The following KCNN3 variants were observed in gnomAD, a reference collection of about 807,000 sequenced individuals.
KCNN3 encodes potassium calcium-activated channel subfamily N member 3.
KCNN3 carries 16 observed loss-of-function variants against 62.9 expected under a neutral mutation model. That is an observed-to-expected ratio of 0.25 (90% confidence interval 0.17 to 0.39). The LOEUF (loss-of-function observed/expected upper bound fraction) is 0.39. KCNN3 is among the 10% of genes least tolerant of loss of function. The probability of loss-of-function intolerance (pLI) is 1.00; values close to 1 mark genes in which losing one functional copy is unlikely to be tolerated. For missense variants in KCNN3, 599 were observed against 949.4 expected, an observed-to-expected ratio of 0.63 and a Z score of 4.85; for synonymous variants, 370 against 389.2, an observed-to-expected ratio of 0.95 and a Z score of 0.58.
At position 154,706,412 on chromosome 1, in the gene KCNN3, C is replaced by T. The variant is rs892086349; in HGVS notation, c.*1564G>A. Reference sequence around the variant, plus strand: ...CCATACAGTGCCATTCAATTTCCCACAGGCAGAAACCAAAGACCTCAGAAT... The same window carrying T: ...CCATACAGTGCCATTCAATTTCCCATAGGCAGAAACCAAAGACCTCAGAAT... On this transcript the variant is annotated 3_prime_UTR_variant, in exon 8 of 8. Transcript: ENST00000271915. The T allele has an allele frequency of 1.3e-5, 2 of 152,204 alleles. No individual in the cohort carries two copies. Among genetic ancestry groups the T allele is most frequent in the African/African-American group, 4.8e-5 (2 of 41,446 alleles). 9.4% of individuals were successfully genotyped at this position (152,204 alleles called of 1,614,324 possible).
chr1:154,783,221 AAAAAGAAAAAAG>A (rs1188832252), intron 2 of KCNN3, among the ~76,000 whole-genome samples: 1 of 151,888 alleles, frequency 6.6e-6, no homozygotes, highest in African/African-American at 2.4e-5. Context: ...TCAAAAAAAA[AAAAAGAAAAAAG>A]AAAAGAAAGA....
chr1:154,728,670 GA>G (rs1328823385), intron 4 of KCNN3, among the ~76,000 whole-genome samples: 1 of 152,014 alleles, frequency 6.6e-6, no homozygotes, highest in Non-Finnish European at 1.5e-5. Flanking sequence ...GAAAAGAGAA[GA>G]GAAGAGAAGA....
chr1:154,742,968 G>T (rs1700857235), intron 3 of KCNN3, among the ~76,000 whole-genome samples: 1 of 152,120 alleles, frequency 6.6e-6, no homozygotes, highest in African/African-American at 2.4e-5. Context: ...TGTTCTTCTG[G>T]GTGGCTGCAG....
chr1:154,840,917 C>T (rs1312173483), intron 1 of KCNN3, among the ~76,000 whole-genome samples: 1 of 152,248 alleles, frequency 6.6e-6, no homozygotes, highest in Non-Finnish European at 1.5e-5. Flanking sequence ...TGAGTGTGTG[C>T]ACCGCACCCT....
At chr1:154,792,361 G>A (rs1337467359) in intron 2 of KCNN3, among the ~76,000 whole-genome samples, 2 of 152,202 alleles carry the variant, frequency 1.3e-5, no homozygotes, top group African/African-American at 4.8e-5. Flanking sequence ...TGTAAATATA[G>A]AGTAACAACA....
intron 1 of KCNN3, chr1:154,867,935 C>G (rs1051416266): frequency 2.0e-6 from 2 of 984,938 alleles, no homozygotes; most frequent in South Asian, 9.4e-5. Flanking sequence ...AGCAGAGCAT[C>G]GGCAGAAACC....
intron 1 of KCNN3, among the ~76,000 whole-genome samples, chr1:154,867,794 A>G (rs957013947): frequency 4.1e-5 from 6 of 146,664 alleles, no homozygotes; most frequent in African/African-American, 1.5e-4. Flanking sequence ...AGGCGCATGC[A>G]TACGTACAAA....
intron 1 of KCNN3, among the ~76,000 whole-genome samples, chr1:154,855,240 A>AATAC (rs1324153648): frequency 3.3e-5 from 5 of 151,956 alleles, no homozygotes; most frequent in Non-Finnish European, 7.4e-5. Flanking sequence ...TAAATAAATA[A>AATAC]ATAAATAAAA....
intron 5 of KCNN3, among the ~76,000 whole-genome samples, chr1:154,717,084 G>T (rs1031571825): frequency 2.6e-5 from 4 of 152,182 alleles, no homozygotes; most frequent in African/African-American, 9.7e-5. Flanking sequence ...AATAAAGAGG[G>T]CTGCTATGAG....
chr1:154,823,565 C>T (rs747282799), intron 1 of KCNN3, among the ~76,000 whole-genome samples: 1 of 152,182 alleles, frequency 6.6e-6, no homozygotes, highest in Non-Finnish European at 1.5e-5. Flanking sequence ...GCCTCTGACT[C>T]GCAGTACAGA....
At chr1:154,805,526 T>C (rs1650136380) in intron 2 of KCNN3, among the ~76,000 whole-genome samples, 1 of 152,228 alleles carries the variant, frequency 6.6e-6, no homozygotes, top group Non-Finnish European at 1.5e-5. Flanking sequence ...CACCAGTCTC[T>C]TCTCTGCATT....
At chr1:154,845,238 T>C (rs1263420697) in intron 1 of KCNN3, among the ~76,000 whole-genome samples, 1 of 152,178 alleles carries the variant, frequency 6.6e-6, no homozygotes, top group Non-Finnish European at 1.5e-5. Flanking sequence ...ACCAATTGTT[T>C]CAACTTGACA....
chr1:154,750,686 C>T (rs1479557951), intron 3 of KCNN3, among the ~76,000 whole-genome samples: 1 of 152,018 alleles, frequency 6.6e-6, no homozygotes, highest in African/African-American at 2.4e-5. Context: ...GGGGAGTGGG[C>T]AGCTGCAGCC....
At chr1:154,828,211 C>G (rs960471892) in intron 1 of KCNN3, among the ~76,000 whole-genome samples, 5 of 140,720 alleles carry the variant, frequency 3.6e-5, no homozygotes, top group African/African-American at 1.3e-4. Context: ...CTTCCTTCTC[C>G]TAAGCCTCAG....
At chr1:154,757,506 T>C (rs1161207060) in intron 3 of KCNN3, among the ~76,000 whole-genome samples, 1 of 152,174 alleles carries the variant, frequency 6.6e-6, no homozygotes. Context: ...AGCATGGGGC[T>C]ATAGAATGGA....
chr1:154,719,873 C>T (rs1488362386), intron 5 of KCNN3, among the ~76,000 whole-genome samples: 1 of 152,200 alleles, frequency 6.6e-6, no homozygotes, highest in East Asian at 1.9e-4. Flanking sequence ...CTGCCTCACC[C>T]AGAGGCCCTC....
intron 2 of KCNN3, among the ~76,000 whole-genome samples, chr1:154,802,460 C>G (rs1322001960): frequency 6.6e-6 from 1 of 152,174 alleles, no homozygotes; most frequent in African/African-American, 2.4e-5. Flanking sequence ...GACCTCAGGG[C>G]AGCTGGCCAG....
intron 2 of KCNN3, among the ~76,000 whole-genome samples, chr1:154,801,134 G>A (rs1571289619): frequency 2.5e-5 from 2 of 79,066 alleles, no homozygotes; most frequent in Middle Eastern, 0.014. Context: ...GAGGAAAGGA[G>A]GTGGGGGGGA....
intron 3 of KCNN3, among the ~76,000 whole-genome samples, chr1:154,767,075 C>A (rs1339592477): frequency 6.6e-6 from 1 of 152,018 alleles, no homozygotes; most frequent in African/African-American, 2.4e-5. Context: ...TGTGGTCTTG[C>A]TTCCTGCTGC....
Sources: gnomAD v4.1 joint callset for allele counts (sites outside exome capture counted in the v4.1 genomes callset) on GRCh38, gnomAD v4.1.1 for gene constraint, MANE v1.5 for transcripts, NCBI Gene and HGNC (gene_info 2026-07-23, HGNC 2026-07-21) for gene names.